CYFIP1: variants seen among roughly 807,000 people sequenced by gnomAD.
CYFIP1 encodes the protein cytoplasmic FMR1-interacting protein 1.
CYFIP1 carries 58 observed loss-of-function variants against 163.5 expected under a neutral mutation model. That is an observed-to-expected ratio of 0.35 (90% CI 0.29 to 0.44). The LOEUF (loss-of-function observed/expected upper bound fraction) is 0.44. CYFIP1 is among the 20% of genes least tolerant of loss of function. The pLI, the probability that CYFIP1 is intolerant of heterozygous loss-of-function variation, is 1.00. For synonymous variants in CYFIP1, 663 were observed against 660.7 expected (o/e 1.00, Z -0.05); for missense variants, 1,338 against 1,653.8 (o/e 0.81, Z 3.31).
chr15:22,906,481 T>C (rs2060585551), intron 21 of CYFIP1, among the ~76,000 whole-genome samples: 1 of 147,504 alleles, frequency 6.8e-6, no homozygotes, highest in African/African-American at 2.6e-5. Flanking sequence ...TTTTTTTTTT[T>C]TTGAGACGGA....
rs575989736 is a variant in CYFIP1 at position 22,912,219 on chromosome 15, C to T, written c.2042G>A (p.Arg681Lys). 5 of 1,614,118 alleles carry T rather than the reference C, an allele frequency of 3.1e-6. No individual in the cohort carries two copies. In the South Asian group the frequency reaches 5.5e-5, roughly 18 times the overall value. The change falls in exon 18 of 31, where the codon AGG (arginine) becomes AAG (lysine). Residue 681 changes from arginine (R) to lysine (K), a missense_variant. This residue lies in a region of CYFIP1 where 824 missense variants were observed against 995.7 expected (regional missense o/e 0.83). Coordinates refer to ENST00000617928, the MANE Select transcript of CYFIP1 (RefSeq NM_014608.6). ...GTCGTACAGGAACTGCTTGTTGAAC[C>T]TGGTGAGCGCGTAGTGGGCGCTGTC... ...YNDSAHYALT[R>K]FNKQFLYDEI...
chr15:22,974,969 TTCC>T (rs560309865), intron 1 of CYFIP1, among the ~76,000 whole-genome samples: 397 of 152,086 alleles, frequency 2.6e-3, no homozygotes, highest in African/African-American at 8.3e-3. Context: ...ACCCATCCAC[TTCC>T]TCCTCCTTGG....
intron 28 of CYFIP1, 102 bp from the exon 29 acceptor site, chr15:22,873,831 G>T: frequency 2.7e-6 from 3 of 1,094,540 alleles, no homozygotes; most frequent in Middle Eastern, 2.7e-4. Context: ...TTGCTCTGCT[G>T]CCTAGGCTGG....
chr15:22,968,126 A>G (rs1595728616), intron 1 of CYFIP1, among the ~76,000 whole-genome samples: 1 of 152,092 alleles, frequency 6.6e-6, no homozygotes, highest in East Asian at 1.9e-4. Context: ...ACACAGCGAG[A>G]CTCCATCTCA....
Position 22,870,047 on chromosome 15 carries a change from T to G in CYFIP1, c.3743A>C (p.Gln1248Pro), listed in dbSNP as rs776519696. 6 of 1,606,246 alleles carry G rather than the reference T, an allele frequency of 3.7e-6. No individual in the cohort carries two copies. The highest frequency in any genetic ancestry group is 3.4e-6 in the Non-Finnish European group (4 of 1,177,612). Residue 1248 changes from glutamine to proline, a missense_variant, in exon 31 of 31, where the codon CAG becomes CCG. Around this residue, in one of 4 missense-constraint regions of CYFIP1, gnomAD observed 306 missense variants for 322.1 expected, o/e 0.95. Coordinates refer to ENST00000617928, the MANE Select transcript of CYFIP1 (RefSeq NM_014608.6). The part of the protein sequence containing the change: ...HVRCFQPPIH[Q>P]SLASS ...GTGCCCTCAGCTGCTGGCGAGGGAC[T>G]GGTGGATGGGCGGCTGGAAGCAGCG...
chr15:22,923,006 A>G (rs2061238539), intron 13 of CYFIP1, among the ~76,000 whole-genome samples: 1 of 152,160 alleles, frequency 6.6e-6, no homozygotes, highest in Non-Finnish European at 1.5e-5. Flanking sequence ...AAGAAAAAAA[A>G]AAAAGACTTT....
intron 26 of CYFIP1, chr15:22,875,565 C>T (rs1305824590): frequency 1.6e-5 from 5 of 315,156 alleles, no homozygotes. Flanking sequence ...AGGTAAGACC[C>T]AGTGTTGAAT....
In CYFIP1 at chr15:22,875,258, A is replaced by G. The variant is rs770405114; in HGVS notation, c.3056T>C (p.Val1019Ala). The change falls in exon 27 of 31, where the codon GTG becomes GCG. Residue 1019 changes from valine (V) to alanine (A), a missense_variant. Transcript: ENST00000617928. ...LIEQSLSLEE[V>A]CDLLHAAPFQ... ...AGGAGCCGCGTGCAGCAGGTCACAC[A>G]CTTCTTCTAAAGACTAGAGCAGAGA... The G allele has an allele frequency of 1.9e-6, 3 of 1,614,128 alleles. No homozygotes were observed. The highest frequency in any genetic ancestry group is 1.7e-5 in the Admixed American group (1 of 60,034).
In CYFIP1 at chr15:22,947,032, T is replaced by C. The variant is rs1401896899; in HGVS notation, c.178A>G (p.Ile60Val). The change falls in exon 3 of 31, where the codon ATT becomes GTT. Residue 60 changes from isoleucine to valine, a missense_variant. This residue lies in a region of CYFIP1 where 186 missense variants were observed against 288.3 expected (regional missense o/e 0.65). Transcript: ENST00000617928. Reference sequence around the variant, plus strand: ...CTAGAGTGGACGGTGGCTTGTTCAATGTATCTTGCGATGCCAGTAACAAAT... The same window carrying C: ...CTAGAGTGGACGGTGGCTTGTTCAACGTATCTTGCGATGCCAGTAACAAAT... ...NAFVTGIARY[I>V]EQATVHSSMN... The C allele has an allele frequency of 1.2e-6, 2 of 1,614,020 alleles. No individual in the cohort carries two copies. Among genetic ancestry groups the C allele is most frequent in the African/African-American group, 1.3e-5 (1 of 74,920 alleles).
rs1207578557 is a variant in CYFIP1, at chr15:22,964,349, TCACTCACA to T, written c.-7+15930_-7+15937del. Reference sequence around the variant, plus strand: ...CCCACCAGCAGACTCCGCAACCTCATCACTCACACACACACACACACACACACACACAC... The same window carrying T: ...CCCACCAGCAGACTCCGCAACCTCATCACACACACACACACACACACACAC... On this transcript the variant is annotated intron_variant, in intron 1 of 30. Coordinates refer to ENST00000617928, the MANE Select transcript of CYFIP1 (RefSeq NM_014608.6). Among the ~76,000 whole-genome samples the T allele has an allele frequency of 4.0e-3, 158 of 39,578 alleles. 2 individuals carry two copies. The highest frequency in any genetic ancestry group is 9.5e-3 in the Admixed American group (30 of 3,152). The allele number at this position is 39,578 out of a possible 152,430, so 26.0% of individuals were successfully genotyped here. A position where few individuals can be genotyped will look rare whatever the true frequency, so the allele number is the denominator to read the frequency against.
chr15:22,907,746 T>TG (rs2060632789), intron 21 of CYFIP1, among the ~76,000 whole-genome samples: 1 of 152,118 alleles, frequency 6.6e-6, no homozygotes, highest in Non-Finnish European at 1.5e-5. Flanking sequence ...GGGTCAGAGT[T>TG]GGGGGGTGGT....
rs779105401 is a variant in CYFIP1 at position 22,910,761 on chromosome 15, G to A, written c.2135C>T (p.Ala712Val). ...CCTTCCTGCCATAACCTTATAATAG[G>A]CAAATATCTGGTCTGCTAGCTTGTA... is the stretch of plus-strand genomic sequence containing the variant. ...FVYKLADQIFAYYKVMAGSLL... is the reference protein window; with the variant it reads ...FVYKLADQIFVYYKVMAGSLL... Residue 712 changes from alanine (A) to valine (V), a missense_variant, in exon 19 of 31, where the codon GCC becomes GTC. Coordinates refer to ENST00000617928, the MANE Select transcript of CYFIP1 (RefSeq NM_014608.6). 6.2e-6 allele frequency: 10 copies of A among 1,613,838 alleles called. No individual in the cohort carries two copies. The East Asian group carries it at 1.6e-4, about 25-fold the overall frequency.
At chr15:22,902,628 G>A (rs536675692) in intron 22 of CYFIP1, among the ~76,000 whole-genome samples, 1 of 152,328 alleles carries the variant, frequency 6.6e-6, no homozygotes, top group South Asian at 2.1e-4. Context: ...AAACAGAGAC[G>A]GTGGTCTTCA....
intron 17 of CYFIP1, 71 bp downstream of exon 17, chr15:22,914,655 C>G: frequency 6.7e-7 from 1 of 1,485,364 alleles, no homozygotes; most frequent in Non-Finnish European, 9.0e-7. Context: ...GTCCCGGCCT[C>G]TCCGCCACCT....
At position 22,872,953 on chromosome 15, in the gene CYFIP1, G is replaced by C. The variant is rs1460816910; in HGVS notation, c.3469C>G (p.Leu1157Val). The C allele has an allele frequency of 6.2e-7, 1 of 1,614,002 alleles. No homozygotes were observed. Among genetic ancestry groups the C allele is most frequent in the South Asian group, 1.1e-5 (1 of 91,060 alleles). The stretch of plus-strand genomic sequence containing the variant: ...ATGATCATACAGCCAGCCCAGTGTA[G>C]CCCATCACCAAAGCACTGCCTAGGA... ...FTVEQCFGDG[L>V]HWAGCMIIVL... The change falls in exon 30 of 31, where the codon CTA (leucine) becomes GTA (valine). Residue 1157 changes from leucine to valine, a missense_variant. Leu to Val is a conservative substitution (Grantham distance 32). Around this residue, in one of 4 missense-constraint regions of CYFIP1, gnomAD observed 306 missense variants for 322.1 expected, o/e 0.95. Transcript: ENST00000617928.
At chr15:22,880,134 G>A (rs2141870860) in intron 25 of CYFIP1, 91 bp from the exon 26 acceptor site, 2 of 1,543,206 alleles carry the variant, frequency 1.3e-6, no homozygotes, top group Non-Finnish European at 1.8e-6. Flanking sequence ...CTGCCGTTCT[G>A]ACACCGCCAT....
chr15:22,909,458 A>G, intron 20 of CYFIP1, 145 bp from the exon 21 acceptor site: 1 of 906,912 alleles, frequency 1.1e-6, no homozygotes, highest in Non-Finnish European at 1.7e-6. Flanking sequence ...CTCCCCACAT[A>G]CATGGCAGCC....
At chr15:22,873,001 G>T in intron 29 of CYFIP1, 29 bp from the exon 30 acceptor site, 1 of 1,611,508 alleles carries the variant, frequency 6.2e-7, no homozygotes, top group South Asian at 1.1e-5. Context: ...AACAGAATGG[G>T]AGATGAGTGA....
rs2059492444 is a variant in CYFIP1, at chr15:22,873,447, C to T, written c.3449+44G>A. ...ACACGCCTCCCCTCCCCCACAGCTC[C>T]TCCCCTCCTCTGGGGCTTTGTCCTG... On this transcript the variant is annotated intron_variant, in intron 29 of 30. Coordinates refer to ENST00000617928, the MANE Select transcript of CYFIP1 (RefSeq NM_014608.6). 3 of 1,523,746 alleles carry T rather than the reference C, an allele frequency of 2.0e-6. No homozygotes were observed. In the South Asian group the frequency reaches 3.5e-5, roughly 18 times the overall value. The allele number at this position is 1,523,746 out of a possible 1,614,324, so 94.4% of individuals were successfully genotyped here.
Sources: gnomAD v4.1 joint callset for allele counts (sites outside exome capture counted in the v4.1 genomes callset) on GRCh38, gnomAD v4.1.1 for gene constraint, gnomAD v4.1.1 regional missense constraint, MANE v1.5 for transcripts, NCBI Gene and HGNC (gene_info 2026-07-23, HGNC 2026-07-21) for gene names.